Variants in OOSP1 observed in about 807,000 individuals in gnomAD.
OOSP1 encodes oocyte secreted protein 1.
Under a neutral mutation model 5.7 loss-of-function variants are expected in OOSP1, and 11 were observed. The observed-to-expected ratio is 1.94, with a 90% confidence interval of 1.22 to 3.20. The LOEUF (loss-of-function observed/expected upper bound fraction) is 3.20. Among genes scored for constraint, OOSP1 ranks in the 30% most tolerant of loss-of-function variants. The probability of loss-of-function intolerance (pLI) is 0.00; values close to 1 mark genes in which losing one functional copy is unlikely to be tolerated. For missense variants in OOSP1, 83 were observed against 54.1 expected (o/e 1.53, Z -1.67); for synonymous variants, 44 against 20.0 (o/e 2.20, Z -3.20).
At chr11:59,941,031 C>T (rs1853819320) in intron 1 of OOSP1, among the ~76,000 whole-genome samples, 1 of 152,204 alleles carries the variant, frequency 6.6e-6, no homozygotes, top group East Asian at 1.9e-4. Context: ...TTTAGAGCCA[C>T]TTCTACTTTC....
chr11:59,956,562 CTT>C (rs1181785291), intron 4 of OOSP1, among the ~76,000 whole-genome samples: 3 of 151,968 alleles, frequency 2.0e-5, no homozygotes, highest in Non-Finnish European at 2.9e-5. Context: ...CTTTCTCTGA[CTT>C]TTTTTTCCAT....
In OOSP1 at chr11:59,944,363, G is replaced by A. The variant is rs1018851280; in HGVS notation, c.259-806G>A. The stretch of plus-strand genomic sequence containing the variant: ...ATCAACCTTGATATAAACTGCGGGG[G>A]GGGGGCAGGGAATATTCAAATGTTA... On this transcript the variant is annotated intron_variant, in intron 2 of 4. Transcript: ENST00000646685. Among the ~76,000 whole-genome samples the A allele has an allele frequency of 1.1e-4, 15 of 142,508 alleles. 2 individuals are homozygous for A. The highest frequency in any genetic ancestry group is 3.3e-4 in the African/African-American group (13 of 39,186). The allele number at this position is 142,508 out of a possible 152,430, so 93.5% of individuals were successfully genotyped here.
At chr11:59,946,960 T>G (rs1369384143) in intron 3 of OOSP1, among the ~76,000 whole-genome samples, 1 of 150,098 alleles carries the variant, frequency 6.7e-6, no homozygotes, top group East Asian at 1.9e-4. Context: ...TCTATCTATC[T>G]ATCTATCTGT....
chr11:59,955,692 C>T (rs1485376891), intron 4 of OOSP1, among the ~76,000 whole-genome samples: 1 of 151,802 alleles, frequency 6.6e-6, no homozygotes, highest in East Asian at 1.9e-4. Context: ...GCCTATGGCT[C>T]ACTGCAGCCT....
chr11:59,957,071 C>G lies in OOSP1; in HGVS notation c.487-124C>G, dbSNP rs559550849. ...TCATCTAATTTTAAAAACAAATATG[C>G]CTTTCTGTTCACTTTTACCTAAATT... On this transcript the variant is annotated intron_variant, in intron 4 of 4. Transcript: ENST00000646685. 786 of 388,150 alleles carry G rather than the reference C, an allele frequency of 2.0e-3. 1 individual carries two copies. The highest frequency in any genetic ancestry group is 3.0e-3 in the Non-Finnish European group (665 of 219,926). The allele number at this position is 388,150 out of a possible 1,614,324, so 24.0% of individuals were successfully genotyped here. A position where few individuals can be genotyped will look rare whatever the true frequency, so the allele number is the denominator to read the frequency against.
intron 2 of OOSP1, among the ~76,000 whole-genome samples, chr11:59,944,334 C>G (rs1333263006): frequency 9.5e-6 from 1 of 105,038 alleles, no homozygotes; most frequent in African/African-American, 4.0e-5. Flanking sequence ...ATTAGGGGGG[C>G]ACTATCAACC....
At chr11:59,943,778 G>A (rs2134566030) in intron 2 of OOSP1, among the ~76,000 whole-genome samples, 1 of 152,244 alleles carries the variant, frequency 6.6e-6, no homozygotes, top group South Asian at 2.1e-4. Flanking sequence ...GATATTTTGG[G>A]TTAACTAAGT....
intron 4 of OOSP1, among the ~76,000 whole-genome samples, chr11:59,955,612 A>G (rs1361543912): frequency 3.9e-5 from 6 of 151,964 alleles, no homozygotes; most frequent in African/African-American, 1.5e-4. Flanking sequence ...CAAGTTTAAT[A>G]GATCATCTAT....
At chr11:59,948,700 G>A in intron 4 of OOSP1, 1 of 397,872 alleles carries the variant, frequency 2.5e-6, no homozygotes, top group Non-Finnish European at 4.4e-6. Flanking sequence ...CTTCCATTTT[G>A]GTAAGAATCT....
intron 1 of OOSP1, among the ~76,000 whole-genome samples, chr11:59,939,450 C>A (rs764682657): frequency 1.3e-5 from 2 of 152,158 alleles, no homozygotes; most frequent in African/African-American, 4.8e-5. Flanking sequence ...CGGGGTTTTA[C>A]CATATTGGCC....
chr11:59,952,199 G>T (rs1471333701), intron 4 of OOSP1, among the ~76,000 whole-genome samples: 1 of 152,068 alleles, frequency 6.6e-6, no homozygotes, highest in Non-Finnish European at 1.5e-5. Flanking sequence ...GTATTTTGTT[G>T]GGAGGATGCT....
In OOSP1 at chr11:59,938,952, G is replaced by A. The variant is rs528026982; in HGVS notation, c.76+422G>A. Among the ~76,000 whole-genome samples, 5 of 152,220 alleles carry A rather than the reference G, an allele frequency of 3.3e-5. No individual in the cohort carries two copies. The South Asian group carries it at 1.0e-3, about 32-fold the overall frequency. On this transcript the variant is annotated intron_variant, in intron 1 of 4. Coordinates refer to ENST00000646685, the Ensembl canonical transcript of OOSP1. ...GCCTTTCTTTACCTTATACTTCATA[G>A]ATCCTTTTCATTTCAGAGGGAGCAG... is the stretch of plus-strand genomic sequence containing the variant.
At chr11:59,950,530 G>T (rs1018251295) in intron 4 of OOSP1, among the ~76,000 whole-genome samples, 2 of 152,204 alleles carry the variant, frequency 1.3e-5, no homozygotes, top group Non-Finnish European at 2.9e-5. Context: ...AAGACAGTAA[G>T]GTCAATTGGA....
intron 4 of OOSP1, among the ~76,000 whole-genome samples, chr11:59,949,231 C>A (rs1341167105): frequency 6.6e-6 from 1 of 152,052 alleles, no homozygotes; most frequent in Non-Finnish European, 1.5e-5. Flanking sequence ...GGAGTTCACA[C>A]TTTAGTAGGA....
intron 4 of OOSP1, among the ~76,000 whole-genome samples, chr11:59,951,350 C>G (rs1037605614): frequency 6.6e-6 from 1 of 152,074 alleles, no homozygotes; most frequent in African/African-American, 2.4e-5. Context: ...CTTACTTTAC[C>G]TACTCTCTTG....
chr11:59,938,757 C>A (rs933115381), intron 1 of OOSP1, among the ~76,000 whole-genome samples: 1 of 152,176 alleles, frequency 6.6e-6, no homozygotes, highest in Non-Finnish European at 1.5e-5. Context: ...TCTCCAACTC[C>A]CCTTTCCTTT....
chr11:59,951,138 T>G (rs1167077981), intron 4 of OOSP1, among the ~76,000 whole-genome samples: 1 of 151,704 alleles, frequency 6.6e-6, no homozygotes, highest in Non-Finnish European at 1.5e-5. Context: ...ATTGCTGAAA[T>G]GCTGAATATA....
chr11:59,944,481 C>A (rs916378986), intron 2 of OOSP1, among the ~76,000 whole-genome samples: 1 of 151,900 alleles, frequency 6.6e-6, no homozygotes, highest in Non-Finnish European at 1.5e-5. Flanking sequence ...ATATCTGAGA[C>A]GGGAACATTT....
chr11:59,950,019 C>T (rs1040602918), intron 4 of OOSP1, among the ~76,000 whole-genome samples: 61 of 152,072 alleles, frequency 4.0e-4, no homozygotes, highest in African/African-American at 1.3e-3. Context: ...AAGAGATTTC[C>T]GGGCCCAGAG....
Sources: allele counts gnomAD v4.1 joint callset (sites outside exome capture counted in the v4.1 genomes callset), GRCh38; gene constraint gnomAD v4.1.1; transcripts MANE v1.5; gene names NCBI Gene and HGNC (gene_info 2026-07-23, HGNC 2026-07-21).